NXPE4: variants seen among roughly 807,000 people sequenced by gnomAD.
NXPE4 encodes neurexophilin and PC-esterase domain family member 4, also known as NXPE family member 4.
Under a neutral mutation model 33.3 loss-of-function variants are expected in NXPE4, and 42 were observed. The ratio of observed to expected loss-of-function variants is 1.26; its 90% confidence interval spans 0.98 to 1.63. The LOEUF is 1.63. NXPE4 is among the 40% of genes most tolerant of loss of function. The pLI is 0.00. For synonymous variants in NXPE4, 253 were observed against 234.9 expected (o/e 1.08, Z -0.71); for missense variants, 709 against 647.6 (o/e 1.09, Z -1.03).
the NXPE4 span, among the ~76,000 whole-genome samples, chr11:114,663,680 A>ATCTATCTATCTG: frequency 7.7e-6 from 1 of 130,128 alleles, no homozygotes; most frequent in African/African-American, 3.2e-5. Context: ...CTATCTATTT[A>ATCTATCTATCTG]TCTATCTATC....
At chr11:114,577,754 G>T (rs1949045195) in intron 5 of NXPE4, among the ~76,000 whole-genome samples, 1 of 152,006 alleles carries the variant, frequency 6.6e-6, no homozygotes, top group South Asian at 2.1e-4. Context: ...CTAGAGGAAG[G>T]TACTAATTGG....
At chr11:114,629,645 A>G in the NXPE4 span, among the ~76,000 whole-genome samples, 3 of 152,080 alleles carry the variant, frequency 2.0e-5, no homozygotes, top group Non-Finnish European at 2.9e-5. Context: ...ACTCCTATTC[A>G]TCAGAGTGTT....
At chr11:114,674,289 T>A in the NXPE4 span, among the ~76,000 whole-genome samples, 1 of 151,588 alleles carries the variant, frequency 6.6e-6, no homozygotes. Flanking sequence ...TCTTGAAAAA[T>A]CATTAAATAA....
At chr11:114,610,930 C>T in the NXPE4 span, among the ~76,000 whole-genome samples, 6 of 151,806 alleles carry the variant, frequency 4.0e-5, no homozygotes, top group African/African-American at 7.3e-5. Flanking sequence ...AGTATTGCCT[C>T]GTGGGTAACC....
the NXPE4 span, among the ~76,000 whole-genome samples, chr11:114,624,255 G>C: frequency 1.3e-5 from 2 of 148,890 alleles, no homozygotes; most frequent in African/African-American, 4.9e-5. Context: ...ACTGTGACCC[G>C]GTGGATAATA....
the NXPE4 span, among the ~76,000 whole-genome samples, chr11:114,646,173 T>C: frequency 6.6e-6 from 1 of 152,110 alleles, no homozygotes; most frequent in Non-Finnish European, 1.5e-5. Flanking sequence ...TTTCTATATC[T>C]TAAACTAACT....
chr11:114,616,358 G>A, the NXPE4 span, among the ~76,000 whole-genome samples: 6 of 151,196 alleles, frequency 4.0e-5, no homozygotes, highest in East Asian at 2.0e-4. Flanking sequence ...GTTGCCTCAC[G>A]TGTAACCACT....
chr11:114,608,007 G>A, the NXPE4 span, among the ~76,000 whole-genome samples: 2 of 150,482 alleles, frequency 1.3e-5, no homozygotes, highest in Admixed American at 6.7e-5. Context: ...GTGGATAAAT[G>A]TTGCCTCAGG....
chr11:114,600,367 A>G (rs1479490152), upstream of NXPE4, among the ~76,000 whole-genome samples: 1 of 152,148 alleles, frequency 6.6e-6, no homozygotes, highest in Non-Finnish European at 1.5e-5. Context: ...AAATAGTTAT[A>G]CATGAAATGA....
At chr11:114,660,433 T>A in the NXPE4 span, among the ~76,000 whole-genome samples, 1 of 152,010 alleles carries the variant, frequency 6.6e-6, no homozygotes, top group Non-Finnish European at 1.5e-5. Flanking sequence ...AGGCTTATCT[T>A]GGTAATAAAA....
chr11:114,663,410 C>T, the NXPE4 span, among the ~76,000 whole-genome samples: 2 of 151,994 alleles, frequency 1.3e-5, no homozygotes, highest in Non-Finnish European at 2.9e-5. Context: ...TAACAAAAAA[C>T]GGGTGTGGGT....
the NXPE4 span, among the ~76,000 whole-genome samples, chr11:114,639,664 G>C: frequency 7.2e-6 from 1 of 138,262 alleles, no homozygotes; most frequent in Non-Finnish European, 1.5e-5. Flanking sequence ...TAATTTACTT[G>C]TATTATATAT....
the NXPE4 span, among the ~76,000 whole-genome samples, chr11:114,655,253 A>G: frequency 6.6e-6 from 1 of 152,104 alleles, no homozygotes; most frequent in Non-Finnish European, 1.5e-5. Flanking sequence ...GATTGCAAAA[A>G]TTTTCTCCCA....
At chr11:114,623,029 CCT>C in the NXPE4 span, among the ~76,000 whole-genome samples, 2 of 150,498 alleles carry the variant, frequency 1.3e-5, no homozygotes, top group Admixed American at 6.6e-5. Context: ...GCGGGAAACC[CCT>C]GTTACCCGGT....
the NXPE4 span, among the ~76,000 whole-genome samples, chr11:114,634,584 T>C: frequency 1.3e-5 from 2 of 152,074 alleles, no homozygotes; most frequent in Admixed American, 6.6e-5. Flanking sequence ...TTCTAGGGTT[T>C]TTATGGTTTT....
chr11:114,604,743 T>C, the NXPE4 span, among the ~76,000 whole-genome samples: 1 of 151,888 alleles, frequency 6.6e-6, no homozygotes, highest in Non-Finnish European at 1.5e-5. Context: ...CGGTGGATAA[T>C]AAGTATTGCC....
chr11:114,626,597 C>T, the NXPE4 span, among the ~76,000 whole-genome samples: 1 of 152,122 alleles, frequency 6.6e-6, no homozygotes, highest in Non-Finnish European at 1.5e-5. Flanking sequence ...AAACGGGAAA[C>T]TCTAAAAAGC....
the NXPE4 span, among the ~76,000 whole-genome samples, chr11:114,607,446 G>A: frequency 6.6e-6 from 1 of 151,734 alleles, no homozygotes; most frequent in Non-Finnish European, 1.5e-5. Flanking sequence ...GGAAACCACT[G>A]TTACCTGGTG....
At chr11:114,653,777 C>T in the NXPE4 span, among the ~76,000 whole-genome samples, 1 of 152,036 alleles carries the variant, frequency 6.6e-6, no homozygotes, top group Admixed American at 6.5e-5. Flanking sequence ...ATCTGCCCAT[C>T]TCGGCCTCCC....
Sources: allele counts gnomAD v4.1 joint callset (sites outside exome capture counted in the v4.1 genomes callset), GRCh38; gene constraint gnomAD v4.1.1; transcripts MANE v1.5; gene names NCBI Gene and HGNC (gene_info 2026-07-23, HGNC 2026-07-21).